The following ADAM15 variants were observed in gnomAD, a reference collection of about 807,000 sequenced individuals.
ADAM15 encodes disintegrin and metalloproteinase domain-containing protein 15.
Under a neutral mutation model 113.8 loss-of-function variants are expected in ADAM15, and 77 were observed. The observed-to-expected ratio is 0.68, with a 90% CI of 0.56 to 0.82. The LOEUF (loss-of-function observed/expected upper bound fraction) is 0.82. Among genes scored for constraint, ADAM15 ranks in the 40% least tolerant of loss-of-function variants. The probability of loss-of-function intolerance (pLI) is 0.00; values close to 1 mark genes in which losing one functional copy is unlikely to be tolerated. For synonymous variants in ADAM15, 388 were observed against 454.1 expected (o/e 0.85, Z 1.85); for missense variants, 963 against 1,120.1 (o/e 0.86, Z 2.00).
At chr1:155,052,360 G>C in intron 1 of ADAM15, 1 of 763,026 alleles carries the variant, frequency 1.3e-6, no homozygotes, top group African/African-American at 1.8e-5. Context: ...TGATTGGGAG[G>C]GAGTGGGAAC....
In ADAM15 at chr1:155,052,535, A is replaced by G. The variant is rs992664674; in HGVS notation, c.80-136A>G. ...CTTCCAGTATTCTTCTTTAAGTCTC[A>G]GCATGCAATGTGGAAGCCCCTCAGG... On this transcript the variant is annotated intron_variant, in intron 1 of 22. Transcript: ENST00000356955. 3 of 1,548,242 alleles carry G rather than the reference A, an allele frequency of 1.9e-6. No individual in the cohort carries two copies. The African/African-American group carries it at 4.1e-5, about 21-fold the overall frequency.
At chr1:155,059,140 T>A (rs1662198233) in intron 16 of ADAM15, among the ~76,000 whole-genome samples, 1 of 152,148 alleles carries the variant, frequency 6.6e-6, no homozygotes, top group Admixed American at 6.5e-5. Flanking sequence ...TGATCTCGGC[T>A]CACTGCAACC....
rs2102392407 is a variant in ADAM15 at position 155,054,141 on chromosome 1, A to G, written c.343-9A>G. 1 of 1,613,976 alleles carries G rather than the reference A, an allele frequency of 6.2e-7. No individual in the cohort carries two copies. Among genetic ancestry groups the G allele is most frequent in the Non-Finnish European group, 8.5e-7 (1 of 1,179,952 alleles). On this transcript the variant is annotated splice_polypyrimidine_tract_variant and intron_variant, in intron 4 of 22. Transcript: ENST00000356955. ...CTGAGACAGCACTAATGTTGTTCCC[A>G]TGCTGCAGGAGAACTGCTGCTACCA...
Position 155,059,943 on chromosome 1 carries a change from G to C in ADAM15, c.2037G>C (p.Trp679Cys). ...SNRHCYCEEGWAPPDCTTQLK... is the reference protein window; with the variant it reads ...SNRHCYCEEGCAPPDCTTQLK... Reference sequence around the variant, plus strand: ...GGCACTGCTACTGTGAGGAGGGCTGGGCACCCCCTGACTGCACCACTCAGC... The same window carrying C: ...GGCACTGCTACTGTGAGGAGGGCTGCGCACCCCCTGACTGCACCACTCAGC... Residue 679 changes from tryptophan to cysteine, a missense_variant, in exon 17 of 23, where the codon TGG becomes TGC. Physicochemically the swap from Trp to Cys is radical, Grantham distance 215. Coordinates refer to ENST00000356955, the MANE Select transcript of ADAM15 (RefSeq NM_207197.3). 1 of 1,614,086 alleles carries C rather than the reference G, an allele frequency of 6.2e-7. No individual in the cohort carries two copies. Among genetic ancestry groups the C allele is most frequent in the South Asian group, 1.1e-5 (1 of 91,082 alleles).
chr1:155,060,683 ACC>A (rs1358479148), intron 18 of ADAM15, 78 bp from the exon 19 acceptor site: 1 of 1,478,932 alleles, frequency 6.8e-7, no homozygotes, highest in Non-Finnish European at 9.4e-7. Flanking sequence ...CAAAGGGTTA[ACC>A]CCACTCAGGG....
In ADAM15 at chr1:155,056,026, A is replaced by C. The variant is rs1446516104; in HGVS notation, c.744+26A>C. On this transcript the variant is annotated intron_variant, in intron 8 of 22. Coordinates refer to ENST00000356955, the MANE Select transcript of ADAM15 (RefSeq NM_207197.3). The surrounding 1 kb of genome is among the most constrained non-coding windows in gnomAD (Gnocchi z 4.0). Reference sequence around the variant, plus strand: ...GTGAGTGCTGGACAGGGCAACCCCCACCCCAGGCCCCTGACCATGGCAACC... The same window carrying C: ...GTGAGTGCTGGACAGGGCAACCCCCCCCCCAGGCCCCTGACCATGGCAACC... The C allele has an allele frequency of 6.2e-7, 1 of 1,611,510 alleles. No homozygotes were observed. Among genetic ancestry groups the C allele is most frequent in the Non-Finnish European group, 8.5e-7 (1 of 1,179,732 alleles).
chr1:155,054,568 A>C, intron 6 of ADAM15, 62 bp downstream of exon 6: 1 of 1,492,818 alleles, frequency 6.7e-7, no homozygotes, highest in Non-Finnish European at 9.0e-7. Context: ...CCAGACACTT[A>C]GAGCTATGTG....
chr1:155,052,453 G>T, intron 1 of ADAM15: 1 of 1,503,248 alleles, frequency 6.7e-7, no homozygotes, highest in South Asian at 1.2e-5. Flanking sequence ...AGTCTTTCTT[G>T]GGGACTTGTG....
In ADAM15 at chr1:155,058,252, C is replaced by A. The variant is rs1298946161; in HGVS notation, c.1728C>A (p.Ala576=). The A allele has an allele frequency of 1.2e-6, 2 of 1,614,118 alleles. No individual in the cohort carries two copies. The change falls in exon 15 of 23, where the codon GCC becomes GCA. Residue 576 remains alanine, a synonymous_variant. Coordinates refer to ENST00000356955, the MANE Select transcript of ADAM15 (RefSeq NM_207197.3). This position sits in a 1 kb window ranked among gnomAD's most constrained non-coding sequence, Gnocchi z 4.3. ...CCCTTCCCCCTCCCCACAGAGATGC[C>A]ATTTGTGGGCAGCTCCAGTGCCAGA... ...GSYVSCTPRD[A]ICGQLQCQTG... is the part of the protein sequence containing the mutation.
intron 6 of ADAM15, 22 bp downstream of exon 6, chr1:155,054,528 G>T (rs771021095): frequency 6.5e-7 from 1 of 1,541,350 alleles, no homozygotes; most frequent in Non-Finnish European, 8.8e-7. Flanking sequence ...TGGCAGGGGG[G>T]TGGGCTTTGG....
chr1:155,056,065 C>T lies in ADAM15; in HGVS notation c.745-15C>T. The stretch of plus-strand genomic sequence containing the variant: ...ACCATGGCAACCCCTCTTCTGAGCC[C>T]CAGCTGTCTTTCAGTTCTTCCGGCC... On this transcript the variant is annotated splice_polypyrimidine_tract_variant and intron_variant, in intron 8 of 22. Transcript: ENST00000356955. This position sits in a 1 kb window ranked among gnomAD's most constrained non-coding sequence, Gnocchi z 4.0. The T allele has an allele frequency of 6.2e-7, 1 of 1,612,634 alleles. No homozygotes were observed. The highest frequency in any genetic ancestry group is 8.5e-7 in the Non-Finnish European group (1 of 1,179,778).
Position 155,057,750 on chromosome 1 carries a change from C to T in ADAM15, c.1416+21C>T, listed in dbSNP as rs778324844. ...GCCAGGTGGGTAGAGACTAGACTGG[C>T]CACCCGGAGCTCACCTGCCGGGGCC... is the stretch of plus-strand genomic sequence containing the variant. On this transcript the variant is annotated intron_variant, in intron 13 of 22. Coordinates refer to ENST00000356955, the MANE Select transcript of ADAM15 (RefSeq NM_207197.3). This position sits in a 1 kb window ranked among gnomAD's most constrained non-coding sequence, Gnocchi z 5.0. The T allele has an allele frequency of 6.2e-7, 1 of 1,614,070 alleles. No homozygotes were observed. Among genetic ancestry groups the T allele is most frequent in the South Asian group, 1.1e-5 (1 of 91,088 alleles).
In ADAM15 at chr1:155,052,793, C is replaced by G. The variant is rs892597335; in HGVS notation, c.186+16C>G. 25 of 1,598,698 alleles carry G rather than the reference C, an allele frequency of 1.6e-5. No homozygotes were observed. Among genetic ancestry groups the G allele is most frequent in the Non-Finnish European group, 2.0e-5 (24 of 1,172,752 alleles). Reference sequence around the variant, plus strand: ...GGTGCTTCAGGTGAGCTCTCACTCCCCTCTAATAAATAAACGAATCCACAC... The same window carrying G: ...GGTGCTTCAGGTGAGCTCTCACTCCGCTCTAATAAATAAACGAATCCACAC... On this transcript the variant is annotated intron_variant, in intron 2 of 22. Transcript: ENST00000356955.
In ADAM15 at chr1:155,058,914, C is replaced by G. The variant is rs549945472; in HGVS notation, c.1995+127C>G. 1 of 1,277,144 alleles carries G rather than the reference C, an allele frequency of 7.8e-7. No individual in the cohort carries two copies. Among genetic ancestry groups the G allele is most frequent in the East Asian group, 2.6e-5 (1 of 39,086 alleles). 79.1% of individuals were successfully genotyped at this position (1,277,144 alleles called of 1,614,324 possible). On this transcript the variant is annotated intron_variant, in intron 16 of 22. Transcript: ENST00000356955. The surrounding 1 kb of genome is among the most constrained non-coding windows in gnomAD (Gnocchi z 4.3). The stretch of plus-strand genomic sequence containing the variant: ...CTACTACTTCCCAGTTGTGTGACCT[C>G]GGGCAGGTTACTAACTTTGCTGAGC...
rs749441164 is a variant in ADAM15, at chr1:155,053,982, C to T, written c.336C>T (p.His112=). ...PDGTRVVSEG[H]TLENCCYQGR... ...GCACTCGGGTGGTCAGTGAGGGACA[C>T]ACTTTGGTGAGTCAGGCCCTCTTGT... Residue 112 remains histidine (H), a synonymous_variant, in exon 4 of 23, where the codon CAC becomes CAT. Coordinates refer to ENST00000356955, the MANE Select transcript of ADAM15 (RefSeq NM_207197.3). 8 of 1,614,182 alleles carry T rather than the reference C, an allele frequency of 5.0e-6. No individual in the cohort carries two copies. In the South Asian group the frequency reaches 8.8e-5, roughly 18 times the overall value.
chr1:155,060,811 C>T lies in ADAM15; in HGVS notation c.2256C>T (p.Ala752=). 1.9e-6 allele frequency: 3 copies of T among 1,612,450 alleles called. No homozygotes were observed. Among genetic ancestry groups the T allele is most frequent in the South Asian group, 1.1e-5 (1 of 91,082 alleles). Residue 752 remains alanine, a synonymous_variant, in exon 19 of 23, where the codon GCC becomes GCT. Transcript: ENST00000356955. The part of the protein sequence containing the change: ...PSERPGPPQR[A]LLARGTKQAS... ...AACGGCCAGGACCTCCGCAGAGGGC[C>T]CTGCTGGCACGAGGCACTAAGGTGA...
In ADAM15 at chr1:155,058,005, G is replaced by T; in HGVS notation, c.1571G>T (p.Cys524Phe). The T allele has an allele frequency of 6.2e-7, 1 of 1,613,786 alleles. No homozygotes were observed. The highest frequency in any genetic ancestry group is 8.5e-7 in the Non-Finnish European group (1 of 1,180,040). The change falls in exon 14 of 23, where the codon TGT becomes TTT. Residue 524 changes from cysteine to phenylalanine, a missense_variant. Coordinates refer to ENST00000356955, the MANE Select transcript of ADAM15 (RefSeq NM_207197.3). This position sits in a 1 kb window ranked among gnomAD's most constrained non-coding sequence, Gnocchi z 4.3. Reference protein sequence around the residue: ...GGQAVCMHGRCASYAQQCQSL... With the variant: ...GGQAVCMHGRFASYAQQCQSL... The stretch of plus-strand genomic sequence containing the variant: ...CAAGCTGTGTGCATGCACGGGCGTT[G>T]TGCCTCCTATGCCCAGCAGTGCCAG...
chr1:155,054,908 T>A (rs1185552519), intron 6 of ADAM15, among the ~76,000 whole-genome samples: 2 of 152,060 alleles, frequency 1.3e-5, no homozygotes, highest in Non-Finnish European at 2.9e-5. Context: ...AAAATCTAGC[T>A]GAGACAGATT....
chr1:155,058,213 A>C lies in ADAM15; in HGVS notation c.1722-33A>C, dbSNP rs1662059767. 1 of 1,613,686 alleles carries C rather than the reference A, an allele frequency of 6.2e-7. No individual in the cohort carries two copies. Among genetic ancestry groups the C allele is most frequent in the Non-Finnish European group, 8.5e-7 (1 of 1,179,830 alleles). ...TTCTGAGAGCCTTGGCCCTGCTCCT[A>C]CTAACTCTGTGTGCCCTTCCCCCTC... is the stretch of plus-strand genomic sequence containing the variant. On this transcript the variant is annotated intron_variant, in intron 14 of 22. Coordinates refer to ENST00000356955, the MANE Select transcript of ADAM15 (RefSeq NM_207197.3). This position sits in a 1 kb window ranked among gnomAD's most constrained non-coding sequence, Gnocchi z 4.3.
Sources: allele counts gnomAD v4.1 joint callset (sites outside exome capture counted in the v4.1 genomes callset), GRCh38; gene constraint gnomAD v4.1.1; non-coding constraint Gnocchi (gnomAD v3.1); transcripts MANE v1.5; gene names NCBI Gene and HGNC (gene_info 2026-07-23, HGNC 2026-07-21).